FBN1: variants seen among roughly 807,000 people sequenced by gnomAD.
FBN1 encodes fibrillin 1, also known as fibrillin-1.
A neutral mutation model predicts 365.1 loss-of-function variants in FBN1; 29 were observed. The observed-to-expected ratio is 0.08, with a 90% CI of 0.06 to 0.11. FBN1 has a LOEUF of 0.11. Ranked by LOEUF, FBN1 falls within the 10% of genes least tolerant of loss-of-function variation. The probability of loss-of-function intolerance (pLI) is 1.00; values close to 1 mark genes in which losing one functional copy is unlikely to be tolerated. For synonymous variants in FBN1, 1,210 were observed against 1,270.5 expected, an observed-to-expected ratio of 0.95 and a Z score of 1.01; for missense variants, 2,476 against 3,703.2, an observed-to-expected ratio of 0.67 and a Z score of 8.60.
intron 6 of FBN1, among the ~76,000 whole-genome samples, chr15:48,576,807 C>T (rs1029516254): frequency 3.3e-5 from 5 of 152,094 alleles, no homozygotes; most frequent in Admixed American, 6.6e-5. Flanking sequence ...CATGGAAGAA[C>T]TAGGTCAGAC....
At chr15:48,445,052 T>A (rs920143041) in intron 48 of FBN1, among the ~76,000 whole-genome samples, 2 of 150,478 alleles carry the variant, frequency 1.3e-5, no homozygotes, top group Middle Eastern at 3.5e-3. Flanking sequence ...TTTAATAGTT[T>A]GAGTATTCTT....
chr15:48,410,904 G>T lies in FBN1; in HGVS notation c.*86C>A. ...TTACTTGGTGAAAGATTGTACCTAT[G>T]ATATGATGATTCTGATTGGGGGAAA... On this transcript the variant is annotated 3_prime_UTR_variant, in exon 66 of 66. Transcript: ENST00000316623. The T allele has an allele frequency of 1.6e-6, 2 of 1,245,112 alleles. No individual in the cohort carries two copies. Among genetic ancestry groups the T allele is most frequent in the Non-Finnish European group, 2.3e-6 (2 of 872,422 alleles). 77.1% of individuals were successfully genotyped at this position (1,245,112 alleles called of 1,614,324 possible).
chr15:48,453,970 T>A (rs764403180), intron 44 of FBN1, among the ~76,000 whole-genome samples: 5 of 152,212 alleles, frequency 3.3e-5, no homozygotes, highest in Non-Finnish European at 5.9e-5. Context: ...AAAAAAGTCA[T>A]GAAACTTGGC....
At chr15:48,621,073 G>C (rs1452522080) in intron 2 of FBN1, among the ~76,000 whole-genome samples, 1 of 152,148 alleles carries the variant, frequency 6.6e-6, no homozygotes, top group African/African-American at 2.4e-5. Flanking sequence ...ACAATACCAA[G>C]TAAAAAATAA....
chr15:48,607,998 T>C (rs2044627435), intron 4 of FBN1, among the ~76,000 whole-genome samples: 1 of 152,360 alleles, frequency 6.6e-6, no homozygotes, highest in South Asian at 2.1e-4. Context: ...ATCATTCTTT[T>C]TGCCCTGGTG....
chr15:48,469,047 G>T (rs1386684545), intron 36 of FBN1, among the ~76,000 whole-genome samples: 1 of 109,714 alleles, frequency 9.1e-6, no homozygotes, highest in Non-Finnish European at 1.8e-5. Context: ...CAGCCTGGGC[G>T]ACAGAGCGAG....
At chr15:48,555,179 T>C (rs1261063107) in intron 6 of FBN1, among the ~76,000 whole-genome samples, 1 of 152,178 alleles carries the variant, frequency 6.6e-6, no homozygotes, top group Non-Finnish European at 1.5e-5. Context: ...GTTTTCTTCT[T>C]GATCCAAGGC....
At chr15:48,467,759 T>C (rs570002019) in intron 38 of FBN1, among the ~76,000 whole-genome samples, 179 bp downstream of exon 38, 1 of 152,216 alleles carries the variant, frequency 6.6e-6, no homozygotes, top group African/African-American at 2.4e-5. Context: ...CCTGATCTTT[T>C]AGTGTGAGCC....
Position 48,411,940 on chromosome 15 carries a change from A to T in FBN1, c.8227-561T>A, listed in dbSNP as rs555184430. Among the ~76,000 whole-genome samples, 3 of 152,330 alleles carry T rather than the reference A, an allele frequency of 2.0e-5. No individual in the cohort carries two copies. In the South Asian group the frequency reaches 6.2e-4, roughly 32 times the overall value. On this transcript the variant is annotated intron_variant, in intron 65 of 65. Coordinates refer to ENST00000316623, the MANE Select transcript of FBN1 (RefSeq NM_000138.5). ...ATCTTCTCCTAAGGACACACCTATG[A>T]GCCTACTTCCTGACTGTGATGATCT...
At chr15:48,546,588 G>A (rs563068662) in intron 6 of FBN1, among the ~76,000 whole-genome samples, 2 of 152,286 alleles carry the variant, frequency 1.3e-5, no homozygotes, top group South Asian at 4.2e-4. Context: ...GGCAGGGGCT[G>A]GATTATGCAG....
intron 6 of FBN1, among the ~76,000 whole-genome samples, chr15:48,564,507 CT>C (rs34674480): frequency 0.5 from 73,868 of 147,734 alleles, 22,487 homozygotes; most frequent in African/African-American, 0.87. Flanking sequence ...TGATTCAGGA[CT>C]TTTTTTTTTT....
chr15:48,569,439 G>A (rs968693627), intron 6 of FBN1, among the ~76,000 whole-genome samples: 1 of 152,022 alleles, frequency 6.6e-6, no homozygotes, highest in Non-Finnish European at 1.5e-5. Flanking sequence ...ATATAAACTT[G>A]GCATATAATC....
intron 10 of FBN1, among the ~76,000 whole-genome samples, chr15:48,518,517 C>T (rs2043823769): frequency 6.6e-6 from 1 of 152,190 alleles, no homozygotes; most frequent in African/African-American, 2.4e-5. Flanking sequence ...AATAGCTTAT[C>T]AGCATTTCTG....
At chr15:48,481,505 G>T in intron 32 of FBN1, 150 bp downstream of exon 32, 1 of 886,972 alleles carries the variant, frequency 1.1e-6, no homozygotes, top group Non-Finnish European at 1.6e-6. Flanking sequence ...AAATTTCAAA[G>T]AAGTGGAAGC....
At chr15:48,603,835 T>C (rs1278939712) in intron 4 of FBN1, among the ~76,000 whole-genome samples, 1 of 152,094 alleles carries the variant, frequency 6.6e-6, no homozygotes, top group African/African-American at 2.4e-5. Flanking sequence ...TGTCCTAGGG[T>C]CCCAGTGAGG....
chr15:48,502,025 A>G (rs1346927594), intron 17 of FBN1, among the ~76,000 whole-genome samples: 1 of 151,746 alleles, frequency 6.6e-6, no homozygotes, highest in Non-Finnish European at 1.5e-5. Context: ...GGCATCCCTC[A>G]TTTCCTTTTT....
chr15:48,415,321 T>C (rs1454044808), intron 64 of FBN1, among the ~76,000 whole-genome samples: 1 of 152,214 alleles, frequency 6.6e-6, no homozygotes, highest in Non-Finnish European at 1.5e-5. Flanking sequence ...ATATTTACAA[T>C]GTAGTTTCAT....
At chr15:48,501,962 T>C (rs911106945) in intron 17 of FBN1, among the ~76,000 whole-genome samples, 13 of 152,212 alleles carry the variant, frequency 8.5e-5, no homozygotes, top group Admixed American at 6.5e-4. Flanking sequence ...TGATAATTTC[T>C]ATATTATTCA....
intron 32 of FBN1, 98 bp from the exon 33 acceptor site, chr15:48,474,748 C>T (rs1643823929): frequency 1.3e-6 from 2 of 1,498,990 alleles, no homozygotes; most frequent in South Asian, 2.3e-5. Context: ...CTTCAAACTT[C>T]CCATGGTATA....
Sources: gnomAD v4.1 joint callset for allele counts (sites outside exome capture counted in the v4.1 genomes callset) on GRCh38, gnomAD v4.1.1 for gene constraint, MANE v1.5 for transcripts, NCBI Gene and HGNC (gene_info 2026-07-23, HGNC 2026-07-21) for gene names.